Variants in ZNF804B observed in about 807,000 individuals in gnomAD.
ZNF804B encodes the protein zinc finger 804B.
ZNF804B carries 80 observed loss-of-function variants against 101.4 expected under a neutral mutation model. The observed-to-expected ratio is 0.79, with a 90% CI of 0.66 to 0.95. The LOEUF is 0.95. ZNF804B is among the 40% of genes least tolerant of loss of function. ZNF804B has a pLI of 0.00. For missense variants in ZNF804B, 1,673 were observed against 1,561.9 expected (o/e 1.07, Z -1.20); for synonymous variants, 622 against 558.8 (o/e 1.11, Z -1.59).
chr7:89,007,424 T>C (rs1158678716), intron 1 of ZNF804B, among the ~76,000 whole-genome samples: 6 of 124,476 alleles, frequency 4.8e-5, no homozygotes, highest in African/African-American at 1.2e-4. Flanking sequence ...TTTGAACATG[T>C]TATCTAAAGT....
chr7:89,195,350 A>G (rs1232685964), intron 1 of ZNF804B, among the ~76,000 whole-genome samples: 1 of 145,334 alleles, frequency 6.9e-6, no homozygotes, highest in Non-Finnish European at 1.5e-5. Context: ...GCAATTAGGC[A>G]GGAGAAGGAA....
chr7:88,973,960 T>G (rs900166336), intron 1 of ZNF804B, among the ~76,000 whole-genome samples: 6 of 151,404 alleles, frequency 4.0e-5, no homozygotes, highest in African/African-American at 1.2e-4. Context: ...TTTTCTGGAC[T>G]ACCATAGAAA....
At chr7:89,295,437 C>T (rs1046118472) in intron 2 of ZNF804B, among the ~76,000 whole-genome samples, 2 of 152,122 alleles carry the variant, frequency 1.3e-5, no homozygotes, top group South Asian at 2.1e-4. Flanking sequence ...ACCATCTTTT[C>T]GTGCAAATGC....
At chr7:89,170,172 G>C (rs1018020802) in intron 1 of ZNF804B, among the ~76,000 whole-genome samples, 1 of 152,112 alleles carries the variant, frequency 6.6e-6, no homozygotes, top group Non-Finnish European at 1.5e-5. Context: ...AATTTTGTAT[G>C]AAAACACATT....
rs1346177250 is a variant in ZNF804B at position 89,162,811 on chromosome 7, C to G, written c.109-55344C>G. 2.8e-5 allele frequency among the ~76,000 whole-genome samples: 3 copies of G among 109,012 alleles called. No homozygotes were observed. The East Asian group carries it at 8.6e-4, about 31-fold the overall frequency. 71.5% of individuals were successfully genotyped at this position (109,012 alleles called of 152,430 possible). On this transcript the variant is annotated intron_variant, in intron 1 of 3. Coordinates refer to ENST00000333190, the MANE Select transcript of ZNF804B (RefSeq NM_181646.5). ...CAATGCCATCCCTCCCCCCTCCCCCCACCCCACAACAGTCCCCAGAGTGTG... is the reference window on the plus strand; with the variant it reads ...CAATGCCATCCCTCCCCCCTCCCCCGACCCCACAACAGTCCCCAGAGTGTG...
At chr7:88,952,699 C>T (rs1249156684) in intron 1 of ZNF804B, among the ~76,000 whole-genome samples, 1 of 151,698 alleles carries the variant, frequency 6.6e-6, no homozygotes, top group Non-Finnish European at 1.5e-5. Context: ...CAAGAAACTC[C>T]AAACAAAAGA....
intron 1 of ZNF804B, among the ~76,000 whole-genome samples, chr7:88,833,119 A>G (rs1331144123): frequency 1.3e-5 from 2 of 149,816 alleles, no homozygotes; most frequent in Admixed American, 6.7e-5. Flanking sequence ...TTAATATTTT[A>G]TATCCTCTTT....
At chr7:88,872,822 G>C (rs1288228481) in intron 1 of ZNF804B, among the ~76,000 whole-genome samples, 144 of 149,616 alleles carry the variant, frequency 9.6e-4, no homozygotes, top group Non-Finnish European at 1.7e-3. Context: ...TGGCTGCATA[G>C]TATTCCATGG....
chr7:88,861,101 A>G lies in ZNF804B; in HGVS notation c.108+101017A>G, dbSNP rs966544506. On this transcript the variant is annotated intron_variant, in intron 1 of 3. Coordinates refer to ENST00000333190, the MANE Select transcript of ZNF804B (RefSeq NM_181646.5). ...TCCTTCAATAGATATATATTAATCT[A>G]CTAGAGTGTTCCAGATATATTTTTA... 2.6e-5 allele frequency among the ~76,000 whole-genome samples: 4 copies of G among 152,172 alleles called. No individual in the cohort carries two copies. The South Asian group carries it at 6.2e-4, about 24-fold the overall frequency.
At chr7:89,112,649 C>G (rs574785798) in intron 1 of ZNF804B, among the ~76,000 whole-genome samples, 1 of 152,174 alleles carries the variant, frequency 6.6e-6, no homozygotes, top group South Asian at 2.1e-4. Flanking sequence ...TGTCAATAAA[C>G]ACAAAGTAAT....
At chr7:88,878,618 A>G (rs1045039603) in intron 1 of ZNF804B, among the ~76,000 whole-genome samples, 3 of 152,148 alleles carry the variant, frequency 2.0e-5, no homozygotes, top group South Asian at 2.1e-4. Context: ...AATCACCTAT[A>G]CTATGCTATT....
intron 3 of ZNF804B, among the ~76,000 whole-genome samples, chr7:89,332,665 C>G (rs1239201976): frequency 6.6e-6 from 1 of 151,612 alleles, no homozygotes; most frequent in Non-Finnish European, 1.5e-5. Context: ...AACAAATAAC[C>G]TTTTGAGACC....
At chr7:89,046,506 A>G (rs1789109323) in intron 1 of ZNF804B, among the ~76,000 whole-genome samples, 1 of 152,196 alleles carries the variant, frequency 6.6e-6, no homozygotes, top group South Asian at 2.1e-4. Context: ...TGATGGACTA[A>G]ATAAAGGCCT....
chr7:88,954,519 A>G (rs1273065699), intron 1 of ZNF804B, among the ~76,000 whole-genome samples: 2 of 150,394 alleles, frequency 1.3e-5, no homozygotes, highest in Non-Finnish European at 3.0e-5. Context: ...AAAGATGTCA[A>G]TTAGCATGCT....
chr7:89,046,721 G>A (rs11980967), intron 1 of ZNF804B, among the ~76,000 whole-genome samples: 70,297 of 151,854 alleles, frequency 0.46, 16,901 homozygotes, highest in Non-Finnish European at 0.53. Context: ...AAAAGGAAGC[G>A]GAAAGTTTGA....
At chr7:89,018,289 A>G (rs1788603202) in intron 1 of ZNF804B, among the ~76,000 whole-genome samples, 1 of 151,950 alleles carries the variant, frequency 6.6e-6, no homozygotes, top group Non-Finnish European at 1.5e-5. Context: ...TTACTCTTTT[A>G]TTCTGTTGAT....
In ZNF804B at chr7:89,028,483, G is replaced by A. The variant is rs368667692; in HGVS notation, c.109-189672G>A. Among the ~76,000 whole-genome samples, 44 of 152,258 alleles carry A rather than the reference G, an allele frequency of 2.9e-4. No individual in the cohort carries two copies. In the South Asian group the frequency reaches 7.9e-3, roughly 27 times the overall value. ...ACTGTGTGCAATTATAAAATATACC[G>A]TGTGGGTGGTGCATTTGTGGGGCCA... On this transcript the variant is annotated intron_variant, in intron 1 of 3. Transcript: ENST00000333190.
intron 1 of ZNF804B, among the ~76,000 whole-genome samples, chr7:88,873,269 T>C (rs1474995405): frequency 6.6e-6 from 1 of 152,164 alleles, no homozygotes; most frequent in Non-Finnish European, 1.5e-5. Context: ...AAATGTCTTA[T>C]TTTGAGAAGT....
intron 2 of ZNF804B, among the ~76,000 whole-genome samples, chr7:89,248,062 A>T (rs1235791770): frequency 1.3e-5 from 2 of 152,168 alleles, no homozygotes; most frequent in Admixed American, 6.5e-5. Flanking sequence ...AGAAAAAAAA[A>T]GTTTTAAAAA....
Sources: gnomAD v4.1 joint callset for allele counts (sites outside exome capture counted in the v4.1 genomes callset) on GRCh38, gnomAD v4.1.1 for gene constraint, MANE v1.5 for transcripts, NCBI Gene and HGNC (gene_info 2026-07-23, HGNC 2026-07-21) for gene names.